Variants in PAPPA2 observed in about 807,000 individuals in gnomAD.
PAPPA2 encodes pappalysin 2.
Under a neutral mutation model 176.4 loss-of-function variants are expected in PAPPA2, and 86 were observed. That is an observed-to-expected ratio of 0.49 (90% CI 0.41 to 0.58). The LOEUF (loss-of-function observed/expected upper bound fraction) is 0.58. PAPPA2 is among the 20% of genes least tolerant of loss of function. The pLI, the probability that PAPPA2 is intolerant of heterozygous loss-of-function variation, is 0.00. For missense variants in PAPPA2, 2,073 were observed against 2,256.9 expected (o/e 0.92, Z 1.65); for synonymous variants, 809 against 852.2 (o/e 0.95, Z 0.88).
At chr1:176,777,839 TA>T (rs1664527285) in intron 17 of PAPPA2, among the ~76,000 whole-genome samples, 1 of 152,032 alleles carries the variant, frequency 6.6e-6, no homozygotes, top group South Asian at 2.1e-4. Flanking sequence ...CCATCATCAT[TA>T]TCATTACCAT....
At chr1:176,819,565 C>T (rs1370947540) in intron 21 of PAPPA2, among the ~76,000 whole-genome samples, 1 of 152,150 alleles carries the variant, frequency 6.6e-6, no homozygotes, top group Non-Finnish European at 1.5e-5. Flanking sequence ...GTTCTTTTGG[C>T]TCTCAAATGA....
At chr1:176,740,254 C>T in intron 14 of PAPPA2, 58 bp downstream of exon 14, 1 of 1,496,984 alleles carries the variant, frequency 6.7e-7, no homozygotes, top group South Asian at 1.2e-5. Context: ...ATGATTGGCT[C>T]ACATTTACAT....
At chr1:176,733,375 T>C (rs1451017817) in intron 12 of PAPPA2, among the ~76,000 whole-genome samples, 1 of 152,206 alleles carries the variant, frequency 6.6e-6, no homozygotes, top group Non-Finnish European at 1.5e-5. Flanking sequence ...CACAGATGAC[T>C]GTGTGTACGT....
chr1:176,721,975 T>C (rs1411870701), intron 12 of PAPPA2, among the ~76,000 whole-genome samples: 1 of 152,184 alleles, frequency 6.6e-6, no homozygotes, highest in Non-Finnish European at 1.5e-5. Context: ...CACTGAGCTA[T>C]CTTCTGTTTC....
chr1:176,559,937 G>A (rs965125668), intron 2 of PAPPA2, among the ~76,000 whole-genome samples: 1 of 152,184 alleles, frequency 6.6e-6, no homozygotes, highest in Non-Finnish European at 1.5e-5. Flanking sequence ...AATTTACAGA[G>A]GAACATTCCC....
chr1:176,707,196 C>T (rs763100955), intron 10 of PAPPA2, among the ~76,000 whole-genome samples: 1 of 152,122 alleles, frequency 6.6e-6, no homozygotes, highest in Non-Finnish European at 1.5e-5. Context: ...AATAGCAGTG[C>T]ATTTAAAAAT....
At chr1:176,503,201 A>G (rs1648066676) in intron 1 of PAPPA2, among the ~76,000 whole-genome samples, 1 of 152,198 alleles carries the variant, frequency 6.6e-6, no homozygotes, top group South Asian at 2.1e-4. Flanking sequence ...AACCTCATCC[A>G]TCATCAAAGC....
chr1:176,777,384 A>G (rs1254247732), intron 17 of PAPPA2, among the ~76,000 whole-genome samples: 1 of 152,134 alleles, frequency 6.6e-6, no homozygotes, highest in Admixed American at 6.6e-5. Flanking sequence ...GTTTTGGTCC[A>G]TTGTTTTCCA....
At chr1:176,764,327 G>A (rs1052375028) in intron 14 of PAPPA2, among the ~76,000 whole-genome samples, 1 of 152,192 alleles carries the variant, frequency 6.6e-6, no homozygotes, top group African/African-American at 2.4e-5. Flanking sequence ...AAAAAAGTGG[G>A]GTGACAAACA....
chr1:176,656,691 C>T lies in PAPPA2; in HGVS notation c.1992-14279C>T, dbSNP rs540253010. On this transcript the variant is annotated intron_variant, in intron 3 of 22. Transcript: ENST00000367662. Reference sequence around the variant, plus strand: ...TTCTCTCTTCTCTTAAACCTCTTTCCTCAATTGCTTTAGAACATTTTAAAG... The same window carrying T: ...TTCTCTCTTCTCTTAAACCTCTTTCTTCAATTGCTTTAGAACATTTTAAAG... Among the ~76,000 whole-genome samples, 147 of 151,878 alleles carry T rather than the reference C, an allele frequency of 9.7e-4. 1 individual carries two copies. In the Middle Eastern group the frequency reaches 0.01, roughly 11 times the overall value.
intron 12 of PAPPA2, among the ~76,000 whole-genome samples, chr1:176,713,121 T>C (rs1291638951): frequency 6.6e-6 from 1 of 152,184 alleles, no homozygotes; most frequent in Non-Finnish European, 1.5e-5. Flanking sequence ...GGCTAACTTT[T>C]CTTGCTCTTA....
At chr1:176,498,643 C>T (rs919829788) in intron 1 of PAPPA2, among the ~76,000 whole-genome samples, 1 of 151,314 alleles carries the variant, frequency 6.6e-6, no homozygotes, top group African/African-American at 2.4e-5. Context: ...CCAGCTACTC[C>T]AGAGGCTGAG....
intron 21 of PAPPA2, 133 bp downstream of exon 21, chr1:176,800,265 A>G (rs1665625820): frequency 9.8e-6 from 8 of 816,964 alleles, no homozygotes; most frequent in Non-Finnish European, 1.5e-5. Context: ...TCTTAAATTA[A>G]GTTGGTTCCA....
chr1:176,820,479 T>G (rs76808343), intron 21 of PAPPA2, among the ~76,000 whole-genome samples: 4,363 of 152,260 alleles, frequency 0.029, 106 homozygotes, highest in Non-Finnish European at 0.044. Context: ...ACTGGAGCCA[T>G]GATCAGCCTT....
intron 1 of PAPPA2, among the ~76,000 whole-genome samples, chr1:176,515,177 GTCT>G (rs1312951636): frequency 6.6e-6 from 1 of 152,194 alleles, no homozygotes; most frequent in African/African-American, 2.4e-5. Flanking sequence ...CACTTGGAAA[GTCT>G]TCAATAACTG....
At chr1:176,695,345 A>T (rs903913528) in intron 6 of PAPPA2, among the ~76,000 whole-genome samples, 2 of 152,202 alleles carry the variant, frequency 1.3e-5, no homozygotes, top group Non-Finnish European at 2.9e-5. Flanking sequence ...GTGGGAAATT[A>T]TTGCCTGTTT....
At chr1:176,634,956 T>C (rs1418336632) in intron 3 of PAPPA2, among the ~76,000 whole-genome samples, 2 of 124,506 alleles carry the variant, frequency 1.6e-5, no homozygotes, top group Non-Finnish European at 3.5e-5. Context: ...GGTAGATAGA[T>C]AGATAGATAA....
chr1:176,830,418 T>C (rs968164703), intron 21 of PAPPA2, among the ~76,000 whole-genome samples: 5 of 152,182 alleles, frequency 3.3e-5, no homozygotes, highest in Non-Finnish European at 5.9e-5. Flanking sequence ...TGCACAGGGT[T>C]TATTGCTGAT....
intron 3 of PAPPA2, among the ~76,000 whole-genome samples, chr1:176,631,865 G>A (rs980569359): frequency 5.3e-5 from 8 of 152,136 alleles, no homozygotes; most frequent in Non-Finnish European, 1.2e-4. Context: ...AAAGAGCCAG[G>A]AGAATATAAA....
Sources: allele counts gnomAD v4.1 joint callset (sites outside exome capture counted in the v4.1 genomes callset), GRCh38; gene constraint gnomAD v4.1.1; transcripts MANE v1.5; gene names NCBI Gene and HGNC (gene_info 2026-07-23, HGNC 2026-07-21).